The following INPP4B variants were observed in gnomAD, a reference collection of about 807,000 sequenced individuals.
The protein encoded by INPP4B is inositol polyphosphate-4-phosphatase type II B.
In INPP4B, 55 loss-of-function variants were observed where a neutral mutation model predicts 122.5. That is an observed-to-expected ratio of 0.45 (90% CI 0.36 to 0.56). The LOEUF (loss-of-function observed/expected upper bound fraction) is 0.56. Among genes scored for constraint, INPP4B ranks in the 20% least tolerant of loss-of-function variants. The pLI, the probability that INPP4B is intolerant of heterozygous loss-of-function variation, is 0.00. For synonymous variants in INPP4B, 403 were observed against 388.7 expected, an observed-to-expected ratio of 1.04 and a Z score of -0.43; for missense variants, 1,000 against 1,097.7, an observed-to-expected ratio of 0.91 and a Z score of 1.26.
intron 17 of INPP4B, among the ~76,000 whole-genome samples, chr4:142,152,659 T>C (rs1445170520): frequency 2.6e-5 from 4 of 152,088 alleles, no homozygotes; most frequent in Admixed American, 2.0e-4. Flanking sequence ...AGTGGGGTGA[T>C]CATAGCTCAC....
chr4:142,637,885 C>T (rs552117655), intron 2 of INPP4B, among the ~76,000 whole-genome samples: 1 of 152,236 alleles, frequency 6.6e-6, no homozygotes, highest in South Asian at 2.1e-4. Flanking sequence ...TGGATTTGGG[C>T]CATTCAAAAA....
At chr4:142,186,385 G>A (rs1579214433) in intron 15 of INPP4B, among the ~76,000 whole-genome samples, 1 of 151,614 alleles carries the variant, frequency 6.6e-6, no homozygotes, top group South Asian at 2.1e-4. Context: ...GACAGTATGT[G>A]ACAATCAGAA....
At chr4:142,775,515 C>T (rs546620064) in intron 1 of INPP4B, among the ~76,000 whole-genome samples, 1 of 141,480 alleles carries the variant, frequency 7.1e-6, no homozygotes, top group African/African-American at 2.6e-5. Context: ...CCTCCCCTCC[C>T]CTCCCCACCC....
At position 142,203,859 on chromosome 4, in the gene INPP4B, C is replaced by A. The variant is rs116450751; in HGVS notation, c.1072+4566G>T. Reference sequence around the variant, plus strand: ...GGTAAAGATGAAAAAAAAAATTAGACCACATCCAAATAACTTGCCAGTAAA... The same window carrying A: ...GGTAAAGATGAAAAAAAAAATTAGAACACATCCAAATAACTTGCCAGTAAA... On this transcript the variant is annotated intron_variant, in intron 14 of 25. Coordinates refer to ENST00000262992, the MANE Select transcript of INPP4B (RefSeq NM_001101669.3). 2.0e-5 allele frequency among the ~76,000 whole-genome samples: 3 copies of A among 152,098 alleles called. No individual in the cohort carries two copies. In the South Asian group the frequency reaches 6.2e-4, roughly 32 times the overall value.
intron 1 of INPP4B, among the ~76,000 whole-genome samples, chr4:142,783,568 T>C (rs1775238621): frequency 6.6e-6 from 1 of 152,192 alleles, no homozygotes; most frequent in Admixed American, 6.5e-5. Flanking sequence ...TCTTAGTTTT[T>C]AGTTTCTAGT....
chr4:142,772,667 T>C (rs1773265220), intron 1 of INPP4B, among the ~76,000 whole-genome samples: 1 of 152,018 alleles, frequency 6.6e-6, no homozygotes, highest in Non-Finnish European at 1.5e-5. Flanking sequence ...GAAATTGACA[T>C]GTAAAGAAAT....
At chr4:142,842,883 TG>T (rs1419830785) in intron 1 of INPP4B, among the ~76,000 whole-genome samples, 17 of 138,870 alleles carry the variant, frequency 1.2e-4, no homozygotes, top group Non-Finnish European at 2.3e-4. Flanking sequence ...TAAATATATA[TG>T]ATTATTATAT....
intron 2 of INPP4B, among the ~76,000 whole-genome samples, chr4:142,709,644 C>T (rs1017331267): frequency 3.9e-5 from 6 of 152,192 alleles, no homozygotes; most frequent in Non-Finnish European, 2.9e-5. Context: ...TTCCTGAGGC[C>T]TCCCTGGCCA....
At chr4:142,421,555 T>C (rs1297634470) in intron 5 of INPP4B, among the ~76,000 whole-genome samples, 5 of 152,176 alleles carry the variant, frequency 3.3e-5, no homozygotes, top group Non-Finnish European at 4.4e-5. Context: ...GCAACAATTA[T>C]AGAATATTGC....
intron 2 of INPP4B, among the ~76,000 whole-genome samples, chr4:142,562,034 G>A (rs182866515): frequency 2.6e-5 from 4 of 151,448 alleles, no homozygotes; most frequent in African/African-American, 4.8e-5. Flanking sequence ...TCTCACAGGG[G>A]GAAAAAGAGG....
At chr4:142,224,561 G>A (rs1850713912) in intron 12 of INPP4B, among the ~76,000 whole-genome samples, 1 of 152,084 alleles carries the variant, frequency 6.6e-6, no homozygotes, top group South Asian at 2.1e-4. Context: ...CACAGAGAAT[G>A]TGTCTCTTTA....
intron 1 of INPP4B, among the ~76,000 whole-genome samples, chr4:142,779,089 T>A (rs1774379747): frequency 6.6e-6 from 1 of 152,036 alleles, no homozygotes; most frequent in Admixed American, 6.6e-5. Context: ...TTAACATGCC[T>A]CTGATTTTTA....
At chr4:142,172,397 A>G (rs958470531) in intron 16 of INPP4B, among the ~76,000 whole-genome samples, 2 of 151,948 alleles carry the variant, frequency 1.3e-5, no homozygotes, top group African/African-American at 4.8e-5. Flanking sequence ...ATAAAATGAC[A>G]TAAAGTGTGA....
chr4:142,524,117 T>C (rs1481841973), intron 2 of INPP4B, among the ~76,000 whole-genome samples: 1 of 151,864 alleles, frequency 6.6e-6, no homozygotes, highest in Non-Finnish European at 1.5e-5. Context: ...GCAATAAACA[T>C]ATGTGTGCAT....
rs543379095 is a variant in INPP4B, at chr4:142,555,787, C to T, written c.-190-93061G>A. 9.6e-4 allele frequency among the ~76,000 whole-genome samples: 144 copies of T among 149,682 alleles called. 2 individuals carry two copies. The highest frequency in any genetic ancestry group is 3.3e-3 in the African/African-American group (136 of 40,674). On this transcript the variant is annotated intron_variant, in intron 2 of 25. Coordinates refer to ENST00000262992, the MANE Select transcript of INPP4B (RefSeq NM_001101669.3). ...TCAGGAGGCTGAGGCAGGAGAATGG[C>T]GTGAACCCGGGAGGCAGAGCTTGCA...
At chr4:142,049,417 GA>G (rs1197563573) in intron 25 of INPP4B, among the ~76,000 whole-genome samples, 1 of 151,976 alleles carries the variant, frequency 6.6e-6, no homozygotes, top group East Asian at 1.9e-4. Flanking sequence ...ACATAATAAA[GA>G]AAATTTATGC....
At chr4:142,657,159 A>G (rs1754315132) in intron 2 of INPP4B, among the ~76,000 whole-genome samples, 1 of 152,098 alleles carries the variant, frequency 6.6e-6, no homozygotes, top group African/African-American at 2.4e-5. Flanking sequence ...AAGAGCTCTA[A>G]TTAATTTGGC....
chr4:142,447,394 G>A (rs929195386), intron 3 of INPP4B, among the ~76,000 whole-genome samples: 1 of 152,130 alleles, frequency 6.6e-6, no homozygotes, highest in African/African-American at 2.4e-5. Context: ...TCTCTAGGCT[G>A]GATTGGGAAA....
rs1468030739 is a variant in INPP4B at position 142,061,938 on chromosome 4, AT to A, written c.2642+20092del. Among the ~76,000 whole-genome samples, 184 of 133,600 alleles carry A rather than the reference AT, an allele frequency of 1.4e-3. 5 individuals are homozygous for A. Among genetic ancestry groups the A allele is most frequent in the African/African-American group, 6.1e-3 (178 of 29,326 alleles). 87.6% of individuals were successfully genotyped at this position (133,600 alleles called of 152,430 possible). ...TATATATATATATATATATATATAT[AT>A]ATCTGTAACTTTGGTCTCCAAAGCA... On this transcript the variant is annotated intron_variant, in intron 25 of 25. Transcript: ENST00000262992.
Sources: allele counts gnomAD v4.1 joint callset (sites outside exome capture counted in the v4.1 genomes callset), GRCh38; gene constraint gnomAD v4.1.1; transcripts MANE v1.5; gene names NCBI Gene and HGNC (gene_info 2026-07-23, HGNC 2026-07-21).